Variants in WWOX observed in about 807,000 individuals in gnomAD.
WWOX encodes the protein WW domain containing oxidoreductase.
WWOX carries 69 observed loss-of-function variants against 46.2 expected under a neutral mutation model. That is an observed-to-expected ratio of 1.49 (90% CI 1.23 to 1.82). The LOEUF (loss-of-function observed/expected upper bound fraction) is 1.82. WWOX is among the 40% of genes most tolerant of loss of function. WWOX has a pLI of 0.00. For missense variants in WWOX, 919 were observed against 542.6 expected, an observed-to-expected ratio of 1.69 and a Z score of -6.89; for synonymous variants, 359 against 202.6, an observed-to-expected ratio of 1.77 and a Z score of -6.56.
chr16:78,964,408 A>T (rs1208364594), intron 8 of WWOX, among the ~76,000 whole-genome samples: 1 of 152,158 alleles, frequency 6.6e-6, no homozygotes, highest in Non-Finnish European at 1.5e-5. Flanking sequence ...TTTAACAAAG[A>T]GACTGGCAGC....
chr16:78,780,894 G>C (rs958115563), intron 8 of WWOX, among the ~76,000 whole-genome samples: 3 of 152,194 alleles, frequency 2.0e-5, no homozygotes, highest in East Asian at 1.9e-4. Context: ...TTAAAGATCT[G>C]TCTGGCTGCC....
chr16:78,372,305 A>T (rs986679845), intron 5 of WWOX, among the ~76,000 whole-genome samples: 1 of 152,206 alleles, frequency 6.6e-6, no homozygotes, highest in Non-Finnish European at 1.5e-5. Flanking sequence ...CTTCATGCTT[A>T]GATATGGTTC....
chr16:78,835,795 A>T (rs1188172367), intron 8 of WWOX, among the ~76,000 whole-genome samples: 2 of 152,260 alleles, frequency 1.3e-5, no homozygotes, highest in African/African-American at 4.8e-5. Flanking sequence ...GCTAGCAGAC[A>T]TCTAGAAAAA....
At chr16:78,753,025 T>C (rs1333172845) in intron 8 of WWOX, among the ~76,000 whole-genome samples, 1 of 152,190 alleles carries the variant, frequency 6.6e-6, no homozygotes, top group Non-Finnish European at 1.5e-5. Context: ...CTGGGCACGG[T>C]AGCTCACGCC....
At chr16:78,768,421 C>G (rs1324510475) in intron 8 of WWOX, among the ~76,000 whole-genome samples, 1 of 151,806 alleles carries the variant, frequency 6.6e-6, no homozygotes. Context: ...GAAACCCGCT[C>G]TCTACTAAAA....
Position 78,159,671 on chromosome 16 carries a change from G to GTT in WWOX, c.410-4512_410-4511insTT, listed in dbSNP as rs1343670783. 2.5e-3 allele frequency among the ~76,000 whole-genome samples: 209 copies of GTT among 84,528 alleles called. 3 individuals are homozygous for GTT. The highest frequency in any genetic ancestry group is 3.0e-3 in the African/African-American group (66 of 21,856). The allele number at this position is 84,528 out of a possible 152,430, so 55.5% of individuals were successfully genotyped here. A position where few individuals can be genotyped will look rare whatever the true frequency, so the allele number is the denominator to read the frequency against. On this transcript the variant is annotated intron_variant, in intron 4 of 8. Coordinates refer to ENST00000566780, the MANE Select transcript of WWOX (RefSeq NM_016373.4). ...TCCTTTGCTTGTTTTTAAAATCTGT[G>GTT]GTTTTTTTTTTTTTTTTTTTTTTTG...
At chr16:78,426,283 C>T (rs995202271) in intron 7 of WWOX, among the ~76,000 whole-genome samples, 10 of 152,068 alleles carry the variant, frequency 6.6e-5, no homozygotes, top group Non-Finnish European at 1.3e-4. Flanking sequence ...AGAGAGAGCT[C>T]CAGAAATAAA....
intron 5 of WWOX, among the ~76,000 whole-genome samples, chr16:78,268,654 G>A (rs1442750273): frequency 6.6e-6 from 1 of 152,154 alleles, no homozygotes; most frequent in East Asian, 1.9e-4. Context: ...TGGAAGAGTG[G>A]ATGGACAGAA....
chr16:78,629,778 C>G (rs2046386062), intron 8 of WWOX, among the ~76,000 whole-genome samples: 1 of 152,112 alleles, frequency 6.6e-6, no homozygotes, highest in South Asian at 2.1e-4. Context: ...AGGGGTCTTT[C>G]ATATAAGTAT....
At chr16:78,400,398 A>G (rs1299658258) in intron 6 of WWOX, among the ~76,000 whole-genome samples, 2 of 152,306 alleles carry the variant, frequency 1.3e-5, no homozygotes, top group African/African-American at 4.8e-5. Flanking sequence ...GCGGTTCCCC[A>G]GCTTGGCTGT....
At chr16:78,381,386 A>G (rs1355147048) in intron 5 of WWOX, among the ~76,000 whole-genome samples, 2 of 152,198 alleles carry the variant, frequency 1.3e-5, no homozygotes, top group Admixed American at 1.3e-4. Flanking sequence ...TGTGCTACTG[A>G]TGAGTGCCAC....
intron 8 of WWOX, among the ~76,000 whole-genome samples, chr16:79,126,888 A>G (rs963295208): frequency 6.6e-6 from 1 of 152,200 alleles, no homozygotes; most frequent in African/African-American, 2.4e-5. Flanking sequence ...GGAGGTAAAT[A>G]CAGCCTCTGT....
intron 5 of WWOX, among the ~76,000 whole-genome samples, chr16:78,178,938 C>T (rs150496582): frequency 6.6e-6 from 1 of 151,500 alleles, no homozygotes; most frequent in Non-Finnish European, 1.5e-5. Context: ...AGTCTGTAAA[C>T]GCGGATAACC....
At chr16:78,471,658 C>T (rs1346653375) in intron 8 of WWOX, among the ~76,000 whole-genome samples, 3 of 152,120 alleles carry the variant, frequency 2.0e-5, no homozygotes, top group East Asian at 1.9e-4. Flanking sequence ...GGGTAATGGC[C>T]TCATGCTATT....
intron 5 of WWOX, among the ~76,000 whole-genome samples, chr16:78,203,593 C>G (rs1348300002): frequency 1.3e-5 from 2 of 152,078 alleles, no homozygotes; most frequent in Non-Finnish European, 2.9e-5. Flanking sequence ...GACCGTATCT[C>G]CGTCTGCAAG....
At chr16:78,790,176 G>T (rs1276742222) in intron 8 of WWOX, among the ~76,000 whole-genome samples, 1 of 151,842 alleles carries the variant, frequency 6.6e-6, no homozygotes, top group Non-Finnish European at 1.5e-5. Flanking sequence ...TTGCTCTGTT[G>T]CCCGGGCTGG....
chr16:78,387,079 T>A, intron 6 of WWOX, 131 bp downstream of exon 6: 1 of 873,022 alleles, frequency 1.1e-6, no homozygotes, highest in Non-Finnish European at 1.9e-6. Flanking sequence ...TCATTTATAT[T>A]GGCCCTGTTA....
intron 8 of WWOX, among the ~76,000 whole-genome samples, chr16:78,459,869 A>C (rs564026590): frequency 6.6e-6 from 1 of 151,512 alleles, no homozygotes; most frequent in Non-Finnish European, 1.5e-5. Context: ...CAGTGGTGCA[A>C]TCATGGCTCA....
chr16:78,653,962 C>T (rs558814186), intron 8 of WWOX, among the ~76,000 whole-genome samples: 1 of 152,208 alleles, frequency 6.6e-6, no homozygotes. Flanking sequence ...GATATTCTTA[C>T]AAAAGGCAAA....
Sources: allele counts gnomAD v4.1 joint callset (sites outside exome capture counted in the v4.1 genomes callset), GRCh38; gene constraint gnomAD v4.1.1; transcripts MANE v1.5; gene names NCBI Gene and HGNC (gene_info 2026-07-23, HGNC 2026-07-21).